B3GALT1: variants seen among roughly 807,000 people sequenced by gnomAD.
B3GALT1 encodes the protein beta-1,3-galactosyltransferase 1.
In B3GALT1, 10 loss-of-function variants were observed where a neutral mutation model predicts 23.2. That is an observed-to-expected ratio of 0.43 (90% CI 0.27 to 0.73). The LOEUF is 0.73. Among genes scored for constraint, B3GALT1 ranks in the 30% least tolerant of loss-of-function variants. The pLI, the probability that B3GALT1 is intolerant of heterozygous loss-of-function variation, is 0.21. For synonymous variants in B3GALT1, 156 were observed against 141.5 expected, an observed-to-expected ratio of 1.10 and a Z score of -0.73; for missense variants, 299 against 405.4, an observed-to-expected ratio of 0.74 and a Z score of 2.25.
intron 3 of B3GALT1, among the ~76,000 whole-genome samples, chr2:167,663,310 A>G (rs1041556940): frequency 5.3e-5 from 8 of 151,980 alleles, no homozygotes; most frequent in African/African-American, 1.9e-4. Context: ...TTATGGCTGC[A>G]TAGTATTCCA....
rs139746333 is a variant in B3GALT1 at position 167,364,222 on chromosome 2, C to T, written c.-511+70888C>T. On this transcript the variant is annotated intron_variant, in intron 1 of 4. Coordinates refer to ENST00000392690, the MANE Select transcript of B3GALT1 (RefSeq NM_020981.4). ...AAAACTCCACTTTCAGCACCTCTAC[C>T]ATTCTGCACACTTATATCAAGGTTA... Among the ~76,000 whole-genome samples the T allele has an allele frequency of 3.2e-3, 479 of 149,862 alleles. 3 individuals carry two copies. The highest frequency in any genetic ancestry group is 0.011 in the African/African-American group (435 of 40,898).
intron 4 of B3GALT1, among the ~76,000 whole-genome samples, chr2:167,848,729 G>A (rs1272827974): frequency 6.6e-6 from 1 of 152,152 alleles, no homozygotes. Context: ...ACATGGTACT[G>A]GAAGTCCTAG....
At chr2:167,623,145 A>C (rs1685287937) in intron 2 of B3GALT1, among the ~76,000 whole-genome samples, 1 of 152,192 alleles carries the variant, frequency 6.6e-6, no homozygotes, top group Non-Finnish European at 1.5e-5. Flanking sequence ...ATGTAGACAA[A>C]TAGGAACACT....
At position 167,721,551 on chromosome 2, in the gene B3GALT1, AAC is replaced by A. The variant is rs1335390120; in HGVS notation, c.-352+74589_-352+74590del. 2.0e-5 allele frequency among the ~76,000 whole-genome samples: 3 copies of A among 152,344 alleles called. No homozygotes were observed. In the East Asian group the frequency reaches 5.8e-4, roughly 29 times the overall value. On this transcript the variant is annotated intron_variant, in intron 3 of 4. Transcript: ENST00000392690. ...TGGATGCACTGCCTATGGGAACAAG[AAC>A]ACAGACACCAGCTAGAAATTGATAG...
At chr2:167,612,367 T>TTTATTATTATTATTATTATTATTATTA (rs3062675) in intron 2 of B3GALT1, among the ~76,000 whole-genome samples, 1 of 145,134 alleles carries the variant, frequency 6.9e-6, no homozygotes, top group Admixed American at 7.0e-5. Context: ...TTATTAGGCC[T>TTTATTATTATTATTATTATTATTATTA]TTATTATTAT....
At chr2:167,431,006 A>G (rs950120051) in intron 1 of B3GALT1, among the ~76,000 whole-genome samples, 4 of 152,154 alleles carry the variant, frequency 2.6e-5, no homozygotes, top group Non-Finnish European at 4.4e-5. Flanking sequence ...TATAACTGCA[A>G]TTTTTATATT....
chr2:167,704,461 A>G (rs1386728032), intron 3 of B3GALT1, among the ~76,000 whole-genome samples: 1 of 152,178 alleles, frequency 6.6e-6, no homozygotes, highest in Non-Finnish European at 1.5e-5. Context: ...AGATATACAC[A>G]TATATTTATT....
chr2:167,518,385 C>T (rs944607234), intron 2 of B3GALT1, among the ~76,000 whole-genome samples: 1 of 151,982 alleles, frequency 6.6e-6, no homozygotes, highest in East Asian at 1.9e-4. Flanking sequence ...TTACTAGACC[C>T]TTTCATAAAC....
chr2:167,710,623 C>T (rs1336649534), intron 3 of B3GALT1, among the ~76,000 whole-genome samples: 1 of 152,228 alleles, frequency 6.6e-6, no homozygotes, highest in East Asian at 1.9e-4. Flanking sequence ...CATATATCTA[C>T]TGCAATCCAG....
intron 2 of B3GALT1, among the ~76,000 whole-genome samples, chr2:167,639,446 A>G (rs1205633603): frequency 6.6e-6 from 1 of 152,012 alleles, no homozygotes; most frequent in African/African-American, 2.4e-5. Flanking sequence ...ACCTGCAAAG[A>G]TTCTTCAGTC....
At chr2:167,438,225 A>C (rs1422075289) in intron 1 of B3GALT1, among the ~76,000 whole-genome samples, 1 of 152,222 alleles carries the variant, frequency 6.6e-6, no homozygotes, top group Non-Finnish European at 1.5e-5. Flanking sequence ...GAGGGGCAAG[A>C]TGGATACTTG....
chr2:167,379,940 G>A (rs1025088718), intron 1 of B3GALT1, among the ~76,000 whole-genome samples: 1 of 152,198 alleles, frequency 6.6e-6, no homozygotes, highest in Non-Finnish European at 1.5e-5. Flanking sequence ...AGAGGAGAGG[G>A]CCCCCCTGTA....
Position 167,508,296 on chromosome 2 carries a change from C to T in B3GALT1, c.-410+18019C>T, listed in dbSNP as rs528811755. ...TTTTTCAGACGGAGTCTTGCTCTGT[C>T]ACCCAGGCTGGAGTGCAGTGGCAGT... On this transcript the variant is annotated intron_variant, in intron 2 of 4. Coordinates refer to ENST00000392690, the MANE Select transcript of B3GALT1 (RefSeq NM_020981.4). Among the ~76,000 whole-genome samples the T allele has an allele frequency of 4.8e-5, 7 of 145,794 alleles. No individual in the cohort carries two copies. In the East Asian group the frequency reaches 9.9e-4, roughly 21 times the overall value.
intron 2 of B3GALT1, among the ~76,000 whole-genome samples, chr2:167,636,804 G>A (rs956709390): frequency 6.6e-6 from 1 of 151,976 alleles, no homozygotes; most frequent in Admixed American, 6.6e-5. Context: ...ATGGACACTG[G>A]GAGAGGAACA....
At chr2:167,676,552 C>CACAT (rs1434525696) in intron 3 of B3GALT1, among the ~76,000 whole-genome samples, 5 of 131,394 alleles carry the variant, frequency 3.8e-5, no homozygotes, top group Non-Finnish European at 3.1e-5. Flanking sequence ...CACACACACA[C>CACAT]ACATATATAT....
chr2:167,663,473 C>G (rs886783492), intron 3 of B3GALT1, among the ~76,000 whole-genome samples: 4 of 152,120 alleles, frequency 2.6e-5, no homozygotes, highest in African/African-American at 9.7e-5. Flanking sequence ...TGGGTATATG[C>G]CCAGTAATGG....
At chr2:167,471,284 G>C (rs1243378052) in intron 1 of B3GALT1, among the ~76,000 whole-genome samples, 1 of 152,124 alleles carries the variant, frequency 6.6e-6, no homozygotes, top group African/African-American at 2.4e-5. Context: ...CATAAAAAGA[G>C]CTAAGACTTG....
intron 3 of B3GALT1, among the ~76,000 whole-genome samples, chr2:167,734,166 C>T (rs1687456088): frequency 6.6e-6 from 1 of 152,038 alleles, no homozygotes; most frequent in Non-Finnish European, 1.5e-5. Context: ...ATATTGGTTG[C>T]TATAAAAATT....
intron 1 of B3GALT1, among the ~76,000 whole-genome samples, chr2:167,469,720 C>T (rs1405237365): frequency 6.6e-6 from 1 of 152,098 alleles, no homozygotes; most frequent in African/African-American, 2.4e-5. Context: ...TAATTGTCAT[C>T]CTGGAAACAT....
Sources: allele counts gnomAD v4.1 joint callset (sites outside exome capture counted in the v4.1 genomes callset), GRCh38; gene constraint gnomAD v4.1.1; transcripts MANE v1.5; gene names NCBI Gene and HGNC (gene_info 2026-07-23, HGNC 2026-07-21).